Variants in ZFHX3 observed in about 807,000 individuals in gnomAD.
ZFHX3 encodes the protein zinc finger homeobox protein 3.
In ZFHX3, 42 loss-of-function variants were observed where a neutral mutation model predicts 279.1. The ratio of observed to expected loss-of-function variants is 0.15; its 90% CI spans 0.12 to 0.19. The LOEUF (loss-of-function observed/expected upper bound fraction) is 0.19, where lower values mean the gene tolerates loss of function less well. Among genes scored for constraint, ZFHX3 ranks in the 10% least tolerant of loss-of-function variants. The pLI is 1.00. For missense variants in ZFHX3, 4,981 were observed against 4,754.0 expected (o/e 1.05, Z -1.40); for synonymous variants, 2,293 against 1,957.8 (o/e 1.17, Z -4.52).
chr16:72,797,608 G>A lies in ZFHX3; in HGVS notation c.5074C>T (p.Pro1692Ser), dbSNP rs538876795. 1.4e-4 allele frequency: 234 copies of A among 1,614,114 alleles called. No individual in the cohort carries two copies. The South Asian group carries it at 2.5e-3, about 17-fold the overall frequency. ...TTGGCACCAATAGGATTCCCCAGGG[G>A]TGGCATCCCTACACTCTCAGTGGGC... ...QVPTESVGMP[P>S]LGNPIGANIA... is the part of the protein sequence containing the mutation. The change falls in exon 9 of 10, where the codon CCC becomes TCC. Residue 1692 changes from proline (P) to serine (S), a missense_variant. Pro to Ser is a moderately conservative substitution (Grantham distance 74). Around this residue, in one of 7 missense-constraint regions of ZFHX3, gnomAD observed 1,751 missense variants for 1,770.0 expected, o/e 0.99. Transcript: ENST00000268489.
intron 2 of ZFHX3, chr16:73,608,904 A>G (rs1481582294): frequency 6.6e-6 from 1 of 152,218 alleles, no homozygotes; most frequent in African/African-American, 2.4e-5. Context: ...CCACTGAGTT[A>G]TTAGCATTTC....
At chr16:72,809,557 A>G (rs1597259907) in intron 7 of ZFHX3, 2 of 152,224 alleles carry the variant, frequency 1.3e-5, no homozygotes, top group South Asian at 4.1e-4. Context: ...CTGAAAGGCA[A>G]CTCATGGCTA....
chr16:72,966,755 T>G (rs1194653873), intron 1 of ZFHX3, among the ~76,000 whole-genome samples: 1 of 152,196 alleles, frequency 6.6e-6, no homozygotes, highest in Non-Finnish European at 1.5e-5. Context: ...GCAAGTGGGT[T>G]TGGTTCTATG....
chr16:72,893,910 G>A (rs755071131), intron 3 of ZFHX3, among the ~76,000 whole-genome samples: 1 of 152,168 alleles, frequency 6.6e-6, no homozygotes, highest in African/African-American at 2.4e-5. Context: ...AGGACTTTGG[G>A]AGGCTGAGGT....
At chr16:73,616,695 G>T (rs1321826662) in intron 2 of ZFHX3, among the ~76,000 whole-genome samples, 1 of 152,004 alleles carries the variant, frequency 6.6e-6, no homozygotes, top group Admixed American at 6.6e-5. Context: ...GAAAGAATGG[G>T]AAAAGAAATC....
chr16:73,047,092 G>A (rs1706916811), intron 1 of ZFHX3, among the ~76,000 whole-genome samples: 1 of 152,100 alleles, frequency 6.6e-6, no homozygotes, highest in Admixed American at 6.5e-5. Flanking sequence ...TTTTCCAGAA[G>A]GTTCGTTTCC....
chr16:73,524,533 TCATGTTCTGATTCG>T lies in ZFHX3; in HGVS notation c.-1546-68289_-1546-68276del, dbSNP rs1475143615. Among the ~76,000 whole-genome samples the T allele has an allele frequency of 2.6e-5, 4 of 152,202 alleles. No individual in the cohort carries two copies. In the East Asian group the frequency reaches 5.8e-4, roughly 22 times the overall value. On this transcript the variant is annotated intron_variant, in intron 2 of 17. Coordinates refer to the ZFHX3 transcript ENST00000641206. ...AAGAGCTGTGAAAACAGCTTGATTC[TCATGTTCTGATTCG>T]CATGTTCTTGATTCTCACGTTCTGG...
chr16:73,308,224 CATATATATATATATATAT>C (rs56199536), intron 4 of ZFHX3, among the ~76,000 whole-genome samples: 2,350 of 108,394 alleles, frequency 0.022, 36 homozygotes, highest in African/African-American at 0.039. Context: ...CATATGCATG[CATATATATATATATATAT>C]ATATATATAT....
intron 3 of ZFHX3, among the ~76,000 whole-genome samples, chr16:73,398,089 C>G (rs1180972913): frequency 6.6e-6 from 1 of 152,182 alleles, no homozygotes; most frequent in Non-Finnish European, 1.5e-5. Context: ...AGGTGATCCA[C>G]CCACCTAGGC....
At chr16:72,999,566 A>T (rs1963418065) in intron 1 of ZFHX3, among the ~76,000 whole-genome samples, 1 of 152,210 alleles carries the variant, frequency 6.6e-6, no homozygotes, top group South Asian at 2.1e-4. Flanking sequence ...AGGCATGCTC[A>T]CAGCAACCGC....
chr16:73,696,685 T>G (rs1459214568), intron 1 of ZFHX3, among the ~76,000 whole-genome samples: 1 of 152,198 alleles, frequency 6.6e-6, no homozygotes, highest in Non-Finnish European at 1.5e-5. Flanking sequence ...GCCAGCAGAT[T>G]TGTGACCCTG....
intron 3 of ZFHX3, among the ~76,000 whole-genome samples, chr16:72,908,739 G>T (rs2039248323): frequency 6.6e-6 from 1 of 152,120 alleles, no homozygotes; most frequent in African/African-American, 2.4e-5. Context: ...CCCTGCTCCA[G>T]TGCTAAAATC....
Position 72,959,523 on chromosome 16 carries a change from A to C in ZFHX3, c.623T>G (p.Phe208Cys). 3 of 1,614,240 alleles carry C rather than the reference A, an allele frequency of 1.9e-6. No homozygotes were observed. Among genetic ancestry groups the C allele is most frequent in the Non-Finnish European group, 8.5e-7 (1 of 1,180,040 alleles). The change falls in exon 2 of 10, where the codon TTT (phenylalanine) becomes TGT (cysteine). Residue 208 changes from phenylalanine to cysteine, a missense_variant. Coordinates refer to ENST00000268489, the MANE Select transcript of ZFHX3 (RefSeq NM_006885.4). Reference sequence around the variant, plus strand: ...CGGGAAAGCCTGGTCTGGGCCCTCAAACCATTTCCCGAAGGATGAGGCTAT... The same window carrying C: ...CGGGAAAGCCTGGTCTGGGCCCTCACACCATTTCCCGAAGGATGAGGCTAT... ...FHIASSFGKW[F>C]EGPDQAFPNT...
At chr16:73,689,810 G>GTTTTTTTTTTTTTTT (rs1567552757) in intron 1 of ZFHX3, among the ~76,000 whole-genome samples, 1 of 149,690 alleles carries the variant, frequency 6.7e-6, no homozygotes. Context: ...ACAGTTTTTT[G>GTTTTTTTTTTTTTTT]TTTTTTGTTT....
intron 1 of ZFHX3, among the ~76,000 whole-genome samples, chr16:73,855,160 C>T (rs1961692562): frequency 6.6e-6 from 1 of 151,960 alleles, no homozygotes. Flanking sequence ...AATAACAACC[C>T]CTCCTTGCCT....
At chr16:72,861,093 G>T (rs78971530) in intron 4 of ZFHX3, among the ~76,000 whole-genome samples, 2,171 of 152,038 alleles carry the variant, frequency 0.014, 94 homozygotes, top group South Asian at 0.11. Context: ...TCCCTAACCC[G>T]CCATCCACCT....
chr16:73,818,312 T>C (rs187293750), intron 1 of ZFHX3, among the ~76,000 whole-genome samples: 87 of 152,308 alleles, frequency 5.7e-4, no homozygotes, highest in African/African-American at 1.9e-3. Context: ...AACCTGGCAA[T>C]AGGATTTCAG....
intron 2 of ZFHX3, among the ~76,000 whole-genome samples, chr16:73,642,828 A>C (rs2052585830): frequency 6.6e-6 from 1 of 152,178 alleles, no homozygotes; most frequent in South Asian, 2.1e-4. Flanking sequence ...GCTACATGTC[A>C]AAATTCAAAC....
At chr16:73,230,238 T>G (rs1428336057) in intron 5 of ZFHX3, among the ~76,000 whole-genome samples, 1 of 152,164 alleles carries the variant, frequency 6.6e-6, no homozygotes, top group Non-Finnish European at 1.5e-5. Flanking sequence ...GAATTTGGAA[T>G]GAAATTGCAG....
Sources: allele counts gnomAD v4.1 joint callset (sites outside exome capture counted in the v4.1 genomes callset), GRCh38; gene constraint gnomAD v4.1.1; regional missense constraint gnomAD v4.1.1; transcripts MANE v1.5; gene names NCBI Gene and HGNC (gene_info 2026-07-23, HGNC 2026-07-21).